Variants in CSRNP3 observed in about 807,000 individuals in gnomAD.
CSRNP3 encodes the protein cysteine/serine-rich nuclear protein 3.
Under a neutral mutation model 48.0 loss-of-function variants are expected in CSRNP3, and 12 were observed. That is an observed-to-expected ratio of 0.25 (90% confidence interval 0.16 to 0.41). The LOEUF (loss-of-function observed/expected upper bound fraction) is 0.41, where lower values mean the gene tolerates loss of function less well. Ranked by LOEUF, CSRNP3 falls within the 10% of genes least tolerant of loss-of-function variation. The pLI is 1.00. For missense variants in CSRNP3, 580 were observed against 724.4 expected, an observed-to-expected ratio of 0.80 and a Z score of 2.29; for synonymous variants, 263 against 269.7, an observed-to-expected ratio of 0.98 and a Z score of 0.24.
At chr2:165,585,651 T>G (rs1466082454) in intron 3 of CSRNP3, among the ~76,000 whole-genome samples, 1 of 152,226 alleles carries the variant, frequency 6.6e-6, no homozygotes, top group Non-Finnish European at 1.5e-5. Context: ...TGGTGTTTTG[T>G]GCTTGCTGGA....
At chr2:165,666,934 A>AG (rs1687229085) in intron 5 of CSRNP3, among the ~76,000 whole-genome samples, 1 of 37,082 alleles carries the variant, frequency 2.7e-5, no homozygotes, top group African/African-American at 7.2e-5. Flanking sequence ...GAAAGAGAGA[A>AG]GAAGAAAGAA....
At chr2:165,623,762 C>G (rs1686382796) in intron 4 of CSRNP3, among the ~76,000 whole-genome samples, 1 of 152,190 alleles carries the variant, frequency 6.6e-6, no homozygotes, top group Admixed American at 6.5e-5. Flanking sequence ...TGAGGACTCT[C>G]CCTCCTTCCT....
At chr2:165,548,289 T>C (rs1685056310) in intron 3 of CSRNP3, among the ~76,000 whole-genome samples, 1 of 152,078 alleles carries the variant, frequency 6.6e-6, no homozygotes, top group Non-Finnish European at 1.5e-5. Flanking sequence ...GATTCCCATT[T>C]CTGCCACTTA....
chr2:165,573,320 A>G (rs1034524207), intron 3 of CSRNP3, among the ~76,000 whole-genome samples: 4 of 152,150 alleles, frequency 2.6e-5, no homozygotes, highest in African/African-American at 9.6e-5. Flanking sequence ...GCATATTTTC[A>G]TTGGCTTACC....
chr2:165,523,019 A>T (rs2105236926), intron 3 of CSRNP3, among the ~76,000 whole-genome samples: 1 of 152,214 alleles, frequency 6.6e-6, no homozygotes, highest in South Asian at 2.1e-4. Context: ...CAAGCCACAC[A>T]ATCTCTCCCT....
At chr2:165,505,934 G>GAAAGCCC (rs1174309555) in intron 2 of CSRNP3, among the ~76,000 whole-genome samples, 1 of 152,112 alleles carries the variant, frequency 6.6e-6, no homozygotes, top group African/African-American at 2.4e-5. Flanking sequence ...TGCAAGTGAC[G>GAAAGCCC]AAAGCCCTAT....
chr2:165,481,848 A>G (rs1043387217), intron 1 of CSRNP3, among the ~76,000 whole-genome samples: 5 of 152,116 alleles, frequency 3.3e-5, no homozygotes, highest in African/African-American at 1.2e-4. Flanking sequence ...CAAATACCGC[A>G]TGTTCTCACT....
At chr2:165,480,782 T>TATATATAATATATATA (rs1553469513) in intron 1 of CSRNP3, among the ~76,000 whole-genome samples, 37 of 143,640 alleles carry the variant, frequency 2.6e-4, no homozygotes, top group African/African-American at 8.9e-4. Flanking sequence ...TTTTATATAT[T>TATATATAATATATATA]ATATATATAA....
At chr2:165,676,817 C>T (rs1687434243) in intron 6 of CSRNP3, among the ~76,000 whole-genome samples, 1 of 152,190 alleles carries the variant, frequency 6.6e-6, no homozygotes, top group African/African-American at 2.4e-5. Context: ...AATGCTTATA[C>T]ATATAACATA....
At chr2:165,645,995 T>C (rs930658539) in intron 4 of CSRNP3, among the ~76,000 whole-genome samples, 18 of 152,174 alleles carry the variant, frequency 1.2e-4, no homozygotes, top group Admixed American at 2.0e-4. Context: ...TCCACCTGCA[T>C]TGGCCTCCCA....
At chr2:165,668,955 C>A (rs1444243461) in intron 5 of CSRNP3, among the ~76,000 whole-genome samples, 1 of 152,180 alleles carries the variant, frequency 6.6e-6, no homozygotes, top group Non-Finnish European at 1.5e-5. Context: ...TTTAGCTAGA[C>A]TTTGGCAAAT....
At chr2:165,560,159 C>T (rs1685214461) in intron 3 of CSRNP3, among the ~76,000 whole-genome samples, 1 of 152,088 alleles carries the variant, frequency 6.6e-6, no homozygotes, top group Admixed American at 6.6e-5. Flanking sequence ...GGTTCTATTG[C>T]TTTCCTTAGG....
chr2:165,500,872 C>A (rs1264126385), intron 2 of CSRNP3, among the ~76,000 whole-genome samples: 1 of 151,986 alleles, frequency 6.6e-6, no homozygotes. Flanking sequence ...TCTTTGAGAA[C>A]CTTGGTTTGG....
rs574884159 is a variant in CSRNP3, at chr2:165,603,340, G to A, written c.148+8127G>A. On this transcript the variant is annotated intron_variant, in intron 4 of 6. Coordinates refer to ENST00000651982, the MANE Select transcript of CSRNP3 (RefSeq NM_001172173.2). ...ACTGATCAGCTTTGTGTTTCCTTGA[G>A]CACTCTGACCTGGATTCCTTACTTC... Among the ~76,000 whole-genome samples the A allele has an allele frequency of 4.2e-4, 64 of 152,222 alleles. 1 individual carries two copies. The highest frequency in any genetic ancestry group is 3.9e-3 in the South Asian group (19 of 4,824).
intron 3 of CSRNP3, among the ~76,000 whole-genome samples, chr2:165,575,671 TAAA>T (rs1234905417): frequency 2.0e-5 from 3 of 151,984 alleles, no homozygotes; most frequent in African/African-American, 4.8e-5. Context: ...TGTTTTATTG[TAAA>T]ATAGAGGGGG....
At chr2:165,646,153 T>G (rs1168693397) in intron 4 of CSRNP3, among the ~76,000 whole-genome samples, 3 of 152,158 alleles carry the variant, frequency 2.0e-5, no homozygotes, top group Non-Finnish European at 4.4e-5. Flanking sequence ...TCAGGATAAG[T>G]ATAGTAAAGG....
Position 165,524,407 on chromosome 2 carries a change from T to G in CSRNP3, c.-24+6446T>G, listed in dbSNP as rs553211156. Reference sequence around the variant, plus strand: ...ATTCAATAGCTTATAGGTATTTATGTGACTTTGGCCTAGAAAAGTATTTAA... The same window carrying G: ...ATTCAATAGCTTATAGGTATTTATGGGACTTTGGCCTAGAAAAGTATTTAA... On this transcript the variant is annotated intron_variant, in intron 3 of 6. Transcript: ENST00000651982. 3.3e-5 allele frequency among the ~76,000 whole-genome samples: 5 copies of G among 152,344 alleles called. No homozygotes were observed. In the South Asian group the frequency reaches 6.2e-4, roughly 19 times the overall value.
intron 1 of CSRNP3, among the ~76,000 whole-genome samples, chr2:165,473,862 T>A (rs941040500): frequency 1.3e-5 from 2 of 152,112 alleles, no homozygotes; most frequent in African/African-American, 2.4e-5. Flanking sequence ...ATATAACTTG[T>A]AAGGTATTTA....
intron 5 of CSRNP3, among the ~76,000 whole-genome samples, chr2:165,675,980 C>A (rs1416510384): frequency 6.6e-6 from 1 of 152,160 alleles, no homozygotes; most frequent in Non-Finnish European, 1.5e-5. Context: ...TGAAATGAGT[C>A]TAAAGATAGT....
Sources: gnomAD v4.1 joint callset for allele counts (sites outside exome capture counted in the v4.1 genomes callset) on GRCh38, gnomAD v4.1.1 for gene constraint, MANE v1.5 for transcripts, NCBI Gene and HGNC (gene_info 2026-07-23, HGNC 2026-07-21) for gene names.